Variants in METRNL observed in about 807,000 individuals in gnomAD.
METRNL encodes meteorin-like protein.
A neutral mutation model predicts 17.4 loss-of-function variants in METRNL; 9 were observed. That is an observed-to-expected ratio of 0.52 (90% CI 0.31 to 0.90). The LOEUF is 0.90. Among genes scored for constraint, METRNL ranks in the 40% least tolerant of loss-of-function variants. METRNL has a pLI of 0.05. For synonymous variants in METRNL, 215 were observed against 199.3 expected (o/e 1.08, Z -0.66); for missense variants, 408 against 430.7 (o/e 0.95, Z 0.47).
chr17:83,088,770 A>G (rs896994480), intron 2 of METRNL, among the ~76,000 whole-genome samples: 2 of 149,150 alleles, frequency 1.3e-5, no homozygotes, highest in African/African-American at 4.9e-5. Flanking sequence ...CGGCGGGCGC[A>G]GAGCCCCTGC....
chr17:83,093,875 G>T (rs1035411314), intron 3 of METRNL, among the ~76,000 whole-genome samples: 4 of 152,190 alleles, frequency 2.6e-5, no homozygotes, highest in Non-Finnish European at 4.4e-5. Context: ...CTGGGCAGGG[G>T]TCTCCAAGTG....
intron 2 of METRNL, among the ~76,000 whole-genome samples, chr17:83,089,956 G>T (rs2038098795): frequency 6.6e-6 from 1 of 151,856 alleles, no homozygotes; most frequent in East Asian, 1.9e-4. Context: ...CCAGGGCGGG[G>T]TACCCAGGGC....
In METRNL at chr17:83,084,952, A is replaced by C. The variant is rs1238938468; in HGVS notation, c.185A>C (p.Glu62Ala). 3 of 1,611,612 alleles carry C rather than the reference A, an allele frequency of 1.9e-6. No individual in the cohort carries two copies. The South Asian group carries it at 3.3e-5, about 18-fold the overall frequency. ...CTCCTCTGCAGCGGGCTGACGCACG[A>C]GGCACACAGGAAGGAGGTGGAGCAG... is the stretch of plus-strand genomic sequence containing the variant. ...CSWKGSGLTH[E>A]AHRKEVEQVY... is the part of the protein sequence containing the mutation. The change falls in exon 2 of 4, where the codon GAG (glutamate) becomes GCG (alanine). Residue 62 changes from glutamate to alanine, a missense_variant. By Grantham distance (107) the Glu-to-Ala change is moderately radical. Coordinates refer to ENST00000320095, the MANE Select transcript of METRNL (RefSeq NM_001004431.3).
intron 1 of METRNL, chr17:83,082,142 A>G: frequency 1.0e-6 from 1 of 985,420 alleles, no homozygotes; most frequent in Non-Finnish European, 1.2e-6. Context: ...TTTATCAGCC[A>G]GTGCTCATAA....
intron 1 of METRNL, among the ~76,000 whole-genome samples, chr17:83,080,643 G>T (rs1216247759): frequency 2.3e-5 from 3 of 133,318 alleles, no homozygotes. Flanking sequence ...CGTGGCCGCC[G>T]AGAGCGGCGC....
In METRNL at chr17:83,085,085, G is replaced by A; in HGVS notation, c.318G>A (p.Val106=). ...NTFSPARHLT[V]CIRSFTDSSG... is the part of the protein sequence containing the mutation. Reference sequence around the variant, plus strand: ...TCTCGCCTGCCCGGCACCTGACCGTGTGCATCAGGTCCTTCACGGACTCCT... The same window carrying A: ...TCTCGCCTGCCCGGCACCTGACCGTATGCATCAGGTCCTTCACGGACTCCT... Residue 106 remains valine, a synonymous_variant, in exon 2 of 4, where the codon GTG becomes GTA. Coordinates refer to ENST00000320095, the MANE Select transcript of METRNL (RefSeq NM_001004431.3). 1 of 1,613,922 alleles carries A rather than the reference G, an allele frequency of 6.2e-7. No homozygotes were observed. Among genetic ancestry groups the A allele is most frequent in the Non-Finnish European group, 8.5e-7 (1 of 1,180,034 alleles).
Position 83,079,798 on chromosome 17 carries a change from C to T in METRNL, c.-18C>T. On this transcript the variant is annotated 5_prime_UTR_variant, in exon 1 of 4. Transcript: ENST00000320095. ...GGGTCGCGGACGCGGGGCCGGGCGG[C>T]GGAGCCGGCGCCAGAGCATGCGGGG... 2 of 973,378 alleles carry T rather than the reference C, an allele frequency of 2.1e-6. No homozygotes were observed. The highest frequency in any genetic ancestry group is 4.7e-5 in the South Asian group (1 of 21,110). 60.3% of individuals were successfully genotyped at this position (973,378 alleles called of 1,614,324 possible). A position where few individuals can be genotyped will look rare whatever the true frequency, so the allele number is the denominator to read the frequency against.
At chr17:83,090,029 C>CA (rs1456696917) in intron 2 of METRNL, among the ~76,000 whole-genome samples, 2 of 152,120 alleles carry the variant, frequency 1.3e-5, no homozygotes, top group Non-Finnish European at 1.5e-5. Context: ...GGCCGTGACT[C>CA]ACAGAGGGCG....
chr17:83,081,417 G>A (rs1308799896), intron 1 of METRNL, among the ~76,000 whole-genome samples: 1 of 152,180 alleles, frequency 6.6e-6, no homozygotes, highest in Non-Finnish European at 1.5e-5. Context: ...CCTTTTCAGG[G>A]TGTCAGGGGA....
At chr17:83,083,258 C>T (rs1051411681) in intron 1 of METRNL, among the ~76,000 whole-genome samples, 1 of 152,232 alleles carries the variant, frequency 6.6e-6, no homozygotes, top group African/African-American at 2.4e-5. Context: ...GAAGGCAGTG[C>T]TGTCAGAGGT....
chr17:83,084,954 G>A lies in METRNL; in HGVS notation c.187G>A (p.Ala63Thr). ...CCTCTGCAGCGGGCTGACGCACGAG[G>A]CACACAGGAAGGAGGTGGAGCAGGT... Reference protein sequence around the residue: ...SWKGSGLTHEAHRKEVEQVYL... With the variant: ...SWKGSGLTHETHRKEVEQVYL... Residue 63 changes from alanine (A) to threonine (T), a missense_variant, in exon 2 of 4, where the codon GCA (alanine) becomes ACA (threonine). Ala to Thr is a moderately conservative substitution (Grantham distance 58, BLOSUM62 0). Transcript: ENST00000320095. 6.2e-7 allele frequency: 1 copy of A among 1,611,832 alleles called. No homozygotes were observed. The highest frequency in any genetic ancestry group is 1.3e-5 in the African/African-American group (1 of 75,050).
Position 83,094,514 on chromosome 17 carries a change from A to T in METRNL, c.875A>T (p.Gln292Leu). 1 of 1,554,022 alleles carries T rather than the reference A, an allele frequency of 6.4e-7. No homozygotes were observed. The highest frequency in any genetic ancestry group is 2.3e-5 in the East Asian group (1 of 43,598). Residue 292 changes from glutamine to leucine, a missense_variant, in exon 4 of 4, where the codon CAG becomes CTG. Gln to Leu is a moderately radical substitution (Grantham distance 113). Transcript: ENST00000320095. ...TGTGCCCCACGCTTCAAGGACTTCC[A>T]GAGGATGTACAGGGATGCCCAGGAG... The part of the protein sequence containing the change: ...LGCAPRFKDF[Q>L]RMYRDAQERG...
intron 3 of METRNL, 103 bp downstream of exon 3, chr17:83,093,329 C>T (rs574349045): frequency 3.9e-4 from 382 of 988,862 alleles, no homozygotes; most frequent in Admixed American, 5.6e-4. Context: ...GACAGCCTTC[C>T]GGTGCTGCGT....
chr17:83,081,230 A>G (rs1333260012), intron 1 of METRNL, among the ~76,000 whole-genome samples: 1 of 151,336 alleles, frequency 6.6e-6, no homozygotes, highest in Non-Finnish European at 1.5e-5. Flanking sequence ...TCCGAGGCCG[A>G]CGGCTCTTCT....
chr17:83,080,575 C>G lies in METRNL; in HGVS notation c.170+590C>G, dbSNP rs947273738. 7.5e-5 allele frequency among the ~76,000 whole-genome samples: 10 copies of G among 133,086 alleles called. 1 individual carries two copies. In the South Asian group the frequency reaches 1.3e-3, roughly 17 times the overall value. 87.3% of individuals were successfully genotyped at this position (133,086 alleles called of 152,430 possible). A position where few individuals can be genotyped will look rare whatever the true frequency, so the allele number is the denominator to read the frequency against. ...GCGCTGCGCTGGGCGACCCCCCCCC[C>G]CCCCACCCGCGGTGGCGGCCGAGGA... is the stretch of plus-strand genomic sequence containing the variant. On this transcript the variant is annotated intron_variant, in intron 1 of 3. Transcript: ENST00000320095.
At chr17:83,091,458 A>G (rs1226261857) in intron 2 of METRNL, among the ~76,000 whole-genome samples, 1 of 152,186 alleles carries the variant, frequency 6.6e-6, no homozygotes. Flanking sequence ...AGTGCACCGT[A>G]GACTCCAGGG....
chr17:83,090,947 G>A (rs1379067503), intron 2 of METRNL, among the ~76,000 whole-genome samples: 1 of 152,182 alleles, frequency 6.6e-6, no homozygotes, highest in Non-Finnish European at 1.5e-5. Context: ...CCGGCGAGTG[G>A]GATGGGGGTC....
chr17:83,087,073 C>T (rs527700985), intron 2 of METRNL, among the ~76,000 whole-genome samples: 1 of 152,232 alleles, frequency 6.6e-6, no homozygotes, highest in East Asian at 1.9e-4. Flanking sequence ...CCCAAGGGAC[C>T]AGAGCAGGCA....
Position 83,094,594 on chromosome 17 carries a change from T to G in METRNL, c.*19T>G. Reference sequence around the variant, plus strand: ...GGACTGACTCCGTGGGCCGCTGCCCTTCCTCTCCTGATGAGTCACAGGCTG... The same window carrying G: ...GGACTGACTCCGTGGGCCGCTGCCCGTCCTCTCCTGATGAGTCACAGGCTG... On this transcript the variant is annotated 3_prime_UTR_variant, in exon 4 of 4. Coordinates refer to ENST00000320095, the MANE Select transcript of METRNL (RefSeq NM_001004431.3). The G allele has an allele frequency of 7.0e-7, 1 of 1,431,158 alleles. No homozygotes were observed. The allele number at this position is 1,431,158 out of a possible 1,614,324, so 88.7% of individuals were successfully genotyped here.
Sources: allele counts gnomAD v4.1 joint callset (sites outside exome capture counted in the v4.1 genomes callset), GRCh38; gene constraint gnomAD v4.1.1; transcripts MANE v1.5; gene names NCBI Gene and HGNC (gene_info 2026-07-23, HGNC 2026-07-21).